DACH1: variants seen among roughly 807,000 people sequenced by gnomAD.
The protein encoded by DACH1 is dachshund family transcription factor 1.
Under a neutral mutation model 54.2 loss-of-function variants are expected in DACH1, and 12 were observed. That is an observed-to-expected ratio of 0.22 (90% CI 0.14 to 0.36). DACH1 has a LOEUF of 0.36. Ranked by LOEUF, DACH1 falls within the 10% of genes least tolerant of loss-of-function variation. The probability of loss-of-function intolerance (pLI) is 1.00; values close to 1 mark genes in which losing one functional copy is unlikely to be tolerated. For synonymous variants in DACH1, 386 were observed against 366.2 expected, an observed-to-expected ratio of 1.05 and a Z score of -0.62; for missense variants, 805 against 929.8, an observed-to-expected ratio of 0.87 and a Z score of 1.75.
chr13:71,500,367 T>A (rs999078866), intron 6 of DACH1, among the ~76,000 whole-genome samples: 1 of 152,150 alleles, frequency 6.6e-6, no homozygotes, highest in African/African-American at 2.4e-5. Flanking sequence ...TTATCAGCTC[T>A]GCATAGCTCT....
intron 1 of DACH1, chr13:71,704,153 A>G: frequency 5.2e-6 from 1 of 192,446 alleles, no homozygotes; most frequent in Non-Finnish European, 1.1e-5. Context: ...TTTTTTCTGG[A>G]CCCGCCATCT....
intron 3 of DACH1, among the ~76,000 whole-genome samples, chr13:71,609,298 G>A (rs992771895): frequency 4.6e-5 from 7 of 152,002 alleles, no homozygotes; most frequent in Non-Finnish European, 1.0e-4. Context: ...CGAAGTCACC[G>A]TTGCAATTTA....
At chr13:71,559,512 GA>G in intron 5 of DACH1, among the ~76,000 whole-genome samples, 1 of 152,156 alleles carries the variant, frequency 6.6e-6, no homozygotes, top group East Asian at 1.9e-4. Context: ...CAAGACACTA[GA>G]TATTTGAGAA....
chr13:71,611,357 T>C (rs923056813), intron 3 of DACH1, among the ~76,000 whole-genome samples: 7 of 152,182 alleles, frequency 4.6e-5, no homozygotes, highest in Non-Finnish European at 8.8e-5. Context: ...AAAAATGGTG[T>C]TTACTAATGA....
In DACH1 at chr13:71,438,731, G is replaced by A. The variant is rs1158941261; in HGVS notation, c.*1924C>T. On this transcript the variant is annotated 3_prime_UTR_variant, in exon 11 of 11. Coordinates refer to ENST00000613252, the MANE Select transcript of DACH1 (RefSeq NM_080759.6). ...TTGACACAAGTCCATTCAATTTTAA[G>A]TGTTGTAATCCTTTAAAGACTGCAT... The A allele has an allele frequency of 6.6e-6, 1 of 152,382 alleles. No individual in the cohort carries two copies. The highest frequency in any genetic ancestry group is 1.5e-5 in the Non-Finnish European group (1 of 67,894). The allele number at this position is 152,382 out of a possible 1,614,324, so 9.4% of individuals were successfully genotyped here.
rs867268692 is a variant in DACH1, at chr13:71,864,173, G to A, written c.848+1749C>T. ...CCTGTCCATACTTTTGAGCGCGCGCGCGCACATACACACACACACACACAC... is the reference window on the plus strand; with the variant it reads ...CCTGTCCATACTTTTGAGCGCGCGCACGCACATACACACACACACACACAC... On this transcript the variant is annotated intron_variant, in intron 1 of 10. Transcript: ENST00000613252. Among the ~76,000 whole-genome samples the A allele has an allele frequency of 8.2e-3, 872 of 105,774 alleles. 15 individuals carry two copies. The highest frequency in any genetic ancestry group is 0.036 in the Admixed American group (343 of 9,566). The allele number at this position is 105,774 out of a possible 152,430, so 69.4% of individuals were successfully genotyped here. A position where few individuals can be genotyped will look rare whatever the true frequency, so the allele number is the denominator to read the frequency against.
At chr13:71,790,579 A>C (rs93177) in intron 1 of DACH1, among the ~76,000 whole-genome samples, 32,976 of 152,060 alleles carry the variant, frequency 0.22, 5,595 homozygotes, top group East Asian at 0.85. Flanking sequence ...AAAAGCAAAA[A>C]TCTAGAGTTA....
intron 1 of DACH1, among the ~76,000 whole-genome samples, chr13:71,788,368 G>C (rs909852997): frequency 1.3e-5 from 2 of 152,018 alleles, no homozygotes; most frequent in Non-Finnish European, 2.9e-5. Flanking sequence ...GGCCAAACCT[G>C]TGGCTTTTAT....
At chr13:71,518,378 T>C (rs1457799493) in intron 6 of DACH1, among the ~76,000 whole-genome samples, 1 of 151,422 alleles carries the variant, frequency 6.6e-6, no homozygotes, top group Admixed American at 6.6e-5. Context: ...ACTTCTAGCC[T>C]TCAGAACTGT....
chr13:71,697,946 T>C (rs1406986158), intron 1 of DACH1, among the ~76,000 whole-genome samples: 2 of 152,208 alleles, frequency 1.3e-5, no homozygotes, highest in African/African-American at 2.4e-5. Flanking sequence ...TTTGGAATAA[T>C]ACTTTATAAG....
chr13:71,601,463 T>TG (rs1199971199), intron 3 of DACH1, among the ~76,000 whole-genome samples: 2 of 152,098 alleles, frequency 1.3e-5, no homozygotes, highest in African/African-American at 4.8e-5. Context: ...TCTTGCTTTC[T>TG]GTTCTTTTAT....
chr13:71,466,294 C>T (rs1216544362), intron 10 of DACH1, among the ~76,000 whole-genome samples: 1 of 152,122 alleles, frequency 6.6e-6, no homozygotes, highest in African/African-American at 2.4e-5. Flanking sequence ...ACTATTTAAG[C>T]CCAACCACAA....
chr13:71,442,182 C>A (rs1213085433), intron 10 of DACH1, among the ~76,000 whole-genome samples: 1 of 152,076 alleles, frequency 6.6e-6, no homozygotes, highest in East Asian at 1.9e-4. Context: ...TCCCTCCCCA[C>A]TCTCCTCACT....
intron 1 of DACH1, among the ~76,000 whole-genome samples, chr13:71,826,586 G>T (rs941000183): frequency 6.6e-6 from 1 of 151,988 alleles, no homozygotes; most frequent in African/African-American, 2.4e-5. Flanking sequence ...TACCTCTGCT[G>T]CCATAAGGGC....
At chr13:71,630,974 C>T (rs541410659) in intron 2 of DACH1, among the ~76,000 whole-genome samples, 1 of 152,128 alleles carries the variant, frequency 6.6e-6, no homozygotes, top group Non-Finnish European at 1.5e-5. Flanking sequence ...GGAAATGCAG[C>T]GACAGTTATC....
Position 71,630,597 on chromosome 13 carries a change from T to G in DACH1, c.1085A>C (p.His362Pro). 6.2e-7 allele frequency: 1 copy of G among 1,606,904 alleles called. No individual in the cohort carries two copies. The highest frequency in any genetic ancestry group is 8.5e-7 in the Non-Finnish European group (1 of 1,178,198). The change falls in exon 3 of 11, where the codon CAT becomes CCT. Residue 362 changes from histidine to proline, a missense_variant. Around this residue, in one of 3 missense-constraint regions of DACH1, gnomAD observed 472 missense variants for 545.3 expected, o/e 0.87. Transcript: ENST00000613252. ...GTCCCCGTTTTCAGAGTCTGCTCCA[T>G]GTTGGTTATTACTGGCATGATAGTT... ...MSNYHASNNQ[H>P]GADSENGDMN...
At chr13:71,761,973 T>C (rs1226517017) in intron 1 of DACH1, among the ~76,000 whole-genome samples, 1 of 152,162 alleles carries the variant, frequency 6.6e-6, no homozygotes, top group Non-Finnish European at 1.5e-5. Flanking sequence ...GGAGTGTTAC[T>C]AGCAATACTG....
intron 1 of DACH1, among the ~76,000 whole-genome samples, chr13:71,817,221 A>T (rs145783354): frequency 1.6e-3 from 237 of 152,312 alleles, no homozygotes; most frequent in African/African-American, 5.3e-3. Context: ...CAACCTTATC[A>T]CTCCACAGAT....
At chr13:71,714,933 C>A (rs1450688853) in intron 1 of DACH1, among the ~76,000 whole-genome samples, 1 of 152,000 alleles carries the variant, frequency 6.6e-6, no homozygotes, top group African/African-American at 2.4e-5. Context: ...AGTTTGAGAA[C>A]AAGGAGTTAA....
Sources: allele counts gnomAD v4.1 joint callset (sites outside exome capture counted in the v4.1 genomes callset), GRCh38; gene constraint gnomAD v4.1.1; regional missense constraint gnomAD v4.1.1; transcripts MANE v1.5; gene names NCBI Gene and HGNC (gene_info 2026-07-23, HGNC 2026-07-21).